Variants in POLD1 observed in about 807,000 individuals in gnomAD.
The protein encoded by POLD1 is DNA polymerase delta catalytic subunit.
A neutral mutation model predicts 129.7 loss-of-function variants in POLD1; 79 were observed. That is an observed-to-expected ratio of 0.61 (90% confidence interval 0.51 to 0.73). POLD1 has a LOEUF of 0.73. Ranked by LOEUF, POLD1 falls within the 30% of genes least tolerant of loss-of-function variation. The pLI is 0.00. For synonymous variants in POLD1, 714 were observed against 683.3 expected (o/e 1.04, Z -0.70); for missense variants, 1,338 against 1,595.8 (o/e 0.84, Z 2.75).
chr19:50,390,628 G>C (rs960654786), intron 1 of POLD1, among the ~76,000 whole-genome samples: 1 of 150,970 alleles, frequency 6.6e-6, no homozygotes, highest in Non-Finnish European at 1.5e-5. Flanking sequence ...TTGGAGAGGG[G>C]GATTTGGCAG....
chr19:50,410,088 C>T (rs577862615), intron 17 of POLD1, among the ~76,000 whole-genome samples: 1 of 152,308 alleles, frequency 6.6e-6, no homozygotes, highest in Non-Finnish European at 1.5e-5. Context: ...GCGACGCTCA[C>T]ACAGAGGCCA....
rs1261055417 is a variant in POLD1 at position 50,406,662 on chromosome 19, T to C, written c.1494+145T>C. 1 of 672,926 alleles carries C rather than the reference T, an allele frequency of 1.5e-6. No homozygotes were observed. The highest frequency in any genetic ancestry group is 2.7e-5 in the East Asian group (1 of 36,780). The allele number at this position is 672,926 out of a possible 1,614,324, so 41.7% of individuals were successfully genotyped here. ...ACCTGTGACCTTACCTGACGCCCACTTTTTCCTGACCTCTGACCCCAGATT... is the reference window on the plus strand; with the variant it reads ...ACCTGTGACCTTACCTGACGCCCACCTTTTCCTGACCTCTGACCCCAGATT... On this transcript the variant is annotated intron_variant, in intron 12 of 26. Coordinates refer to ENST00000440232, the MANE Select transcript of POLD1 (RefSeq NM_002691.4). The surrounding 1 kb of genome is among the most constrained non-coding windows in gnomAD (Gnocchi z 5.5).
In POLD1 at chr19:50,403,039, C is replaced by T. The variant is rs2038719808; in HGVS notation, c.971-14C>T. On this transcript the variant is annotated splice_polypyrimidine_tract_variant and intron_variant, in intron 8 of 26. Transcript: ENST00000440232. ...GGGGCAGGAGTCAGGCCCCTGCATCCTCCTGCCTCGCAGGCATCTTCCCTG... is the reference window on the plus strand; with the variant it reads ...GGGGCAGGAGTCAGGCCCCTGCATCTTCCTGCCTCGCAGGCATCTTCCCTG... The T allele has an allele frequency of 3.2e-6, 5 of 1,553,788 alleles. No homozygotes were observed. Among genetic ancestry groups the T allele is most frequent in the East Asian group, 4.9e-5 (2 of 41,102 alleles).
intron 1 of POLD1, among the ~76,000 whole-genome samples, chr19:50,390,651 A>G (rs953824535): frequency 2.0e-5 from 3 of 151,598 alleles, no homozygotes; most frequent in Non-Finnish European, 2.9e-5. Flanking sequence ...TCATAGGACA[A>G]TAGTGGAGGG....
rs373146398 is a variant in POLD1 at position 50,406,551 on chromosome 19, C to T, written c.1494+34C>T. The T allele has an allele frequency of 2.1e-4, 305 of 1,460,064 alleles. No individual in the cohort carries two copies. Among genetic ancestry groups the T allele is most frequent in the East Asian group, 4.4e-4 (18 of 40,758 alleles). 90.4% of individuals were successfully genotyped at this position (1,460,064 alleles called of 1,614,324 possible). A position where few individuals can be genotyped will look rare whatever the true frequency, so the allele number is the denominator to read the frequency against. On this transcript the variant is annotated intron_variant, in intron 12 of 26. Transcript: ENST00000440232. This position sits in a 1 kb window ranked among gnomAD's most constrained non-coding sequence, Gnocchi z 5.5. The stretch of plus-strand genomic sequence containing the variant: ...TGCCTCCCTGACCTCTCACCCCAAC[C>T]TCTGACCTCCACCTCACCCTTCCCC...
At chr19:50,413,917 C>T (rs2122453242) in intron 19 of POLD1, 38 bp downstream of exon 19, 3 of 1,549,746 alleles carry the variant, frequency 1.9e-6, no homozygotes, top group South Asian at 1.2e-5. Flanking sequence ...TTTAGGTGCC[C>T]TCATCAGGGT....
chr19:50,388,075 G>A (rs903871287), intron 1 of POLD1, among the ~76,000 whole-genome samples: 1 of 152,196 alleles, frequency 6.6e-6, no homozygotes, highest in Non-Finnish European at 1.5e-5. Context: ...GACACAAGAG[G>A]CTGCATATTC....
chr19:50,409,028 C>CT lies in POLD1; in HGVS notation c.1893-93dup. 7.6e-7 allele frequency: 1 copy of CT among 1,316,000 alleles called. No homozygotes were observed. Among genetic ancestry groups the CT allele is most frequent in the Non-Finnish European group, 1.1e-6 (1 of 922,092 alleles). 81.5% of individuals were successfully genotyped at this position (1,316,000 alleles called of 1,614,324 possible). A position where few individuals can be genotyped will look rare whatever the true frequency, so the allele number is the denominator to read the frequency against. On this transcript the variant is annotated intron_variant, in intron 15 of 26. Coordinates refer to ENST00000440232, the MANE Select transcript of POLD1 (RefSeq NM_002691.4). The surrounding 1 kb of genome is among the most constrained non-coding windows in gnomAD (Gnocchi z 5.8). ...GGGAGTGGAGGGGTGCTTGAGGGGCCTGCGTGTGCTCATGGCCAAGGCCAG... is the reference window on the plus strand; with the variant it reads ...GGGAGTGGAGGGGTGCTTGAGGGGCCTTGCGTGTGCTCATGGCCAAGGCCAG...
rs771540531 is a variant in POLD1 at position 50,398,869 on chromosome 19, G to A, written c.18G>A (p.Arg6=). 2.5e-6 allele frequency: 4 copies of A among 1,608,314 alleles called. No individual in the cohort carries two copies. Among genetic ancestry groups the A allele is most frequent in the Non-Finnish European group, 2.5e-6 (3 of 1,178,804 alleles). Residue 6 remains arginine (R), a synonymous_variant, in exon 2 of 27, where the codon CGG becomes CGA. Transcript: ENST00000440232. ...CCAGCAGGATGGATGGCAAGCGGCG[G>A]CCAGGCCCAGGGCCCGGGGTGCCCC... MDGKR[R]PGPGPGVPPK...
At position 50,403,167 on chromosome 19, in the gene POLD1, C is replaced by T. The variant is rs1601204609; in HGVS notation, c.1085C>T (p.Pro362Leu). Residue 362 changes from proline (P) to leucine (L), a missense_variant, in exon 9 of 27, where the codon CCC becomes CTC. By Grantham distance (98) the Pro-to-Leu change is moderately conservative (BLOSUM62 -3). This residue lies in a region of POLD1 where 720 missense variants were observed against 1,002.6 expected (regional missense o/e 0.72). Transcript: ENST00000440232. ...GCGCTCACCCTGCGGCCCTGTGCCC[C>T]CATCCTGGGTGCCAAGGTGCAGAGC... ...RLALTLRPCA[P>L]ILGAKVQSYE... 5.8e-6 allele frequency: 9 copies of T among 1,562,132 alleles called. No homozygotes were observed. The highest frequency in any genetic ancestry group is 6.9e-6 in the Non-Finnish European group (8 of 1,152,888).
Position 50,403,236 on chromosome 19 carries a change from GC to G in POLD1, c.1137+21del. 6.5e-7 allele frequency: 1 copy of G among 1,531,692 alleles called. No individual in the cohort carries two copies. The highest frequency in any genetic ancestry group is 8.8e-7 in the Non-Finnish European group (1 of 1,135,000). 94.9% of individuals were successfully genotyped at this position (1,531,692 alleles called of 1,614,324 possible). On this transcript the variant is annotated intron_variant, in intron 9 of 26. Transcript: ENST00000440232. Reference sequence around the variant, plus strand: ...CTGCTGCAGGTAGCTCTCGCTCCACGCCCCACACCATTTCCCGGGGTCCCCG... The same window carrying G: ...CTGCTGCAGGTAGCTCTCGCTCCACGCCCACACCATTTCCCGGGGTCCCCG...
At chr19:50,403,342 C>A in intron 9 of POLD1, 123 bp downstream of exon 9, 1 of 1,152,376 alleles carries the variant, frequency 8.7e-7, no homozygotes, top group South Asian at 1.4e-5. Flanking sequence ...GTCTGTGGGT[C>A]TGGGTGGGCC....
chr19:50,403,949 G>T (rs2038767975), intron 10 of POLD1, among the ~76,000 whole-genome samples: 1 of 152,228 alleles, frequency 6.6e-6, no homozygotes, highest in Admixed American at 6.5e-5. Context: ...GGAGGAGGAG[G>T]GGGGAGTGTG....
chr19:50,402,395 TC>T (rs781740965), intron 6 of POLD1, 22 bp downstream of exon 6: 5 of 1,613,522 alleles, frequency 3.1e-6, no homozygotes, highest in Non-Finnish European at 4.2e-6. Context: ...GCCTCACTTC[TC>T]CGGCCTCTAT....
intron 1 of POLD1, chr19:50,394,112 G>C (rs533598695): frequency 6.6e-6 from 1 of 152,388 alleles, no homozygotes; most frequent in South Asian, 2.1e-4. Context: ...GGTTGTTGGG[G>C]AGCCCAGTGT....
chr19:50,412,001 A>C (rs1265939717), intron 17 of POLD1, among the ~76,000 whole-genome samples: 1 of 152,170 alleles, frequency 6.6e-6, no homozygotes, highest in Non-Finnish European at 1.5e-5. Flanking sequence ...AAAACTAGCC[A>C]GGCATTGTGG....
At chr19:50,404,706 G>A (rs1009669872) in intron 10 of POLD1, among the ~76,000 whole-genome samples, 1 of 149,620 alleles carries the variant, frequency 6.7e-6, no homozygotes, top group African/African-American at 2.5e-5. Context: ...AGCCTCCCAA[G>A]TAGCTGGGAT....
At chr19:50,403,736 G>T (rs146918257) in intron 10 of POLD1, 139 bp downstream of exon 10, 2 of 671,106 alleles carry the variant, frequency 3.0e-6, no homozygotes, top group East Asian at 5.2e-5. Flanking sequence ...TGCAGGGGCA[G>T]CCTAGGCCTG....
chr19:50,407,277 C>T lies in POLD1; in HGVS notation c.1687-50C>T, dbSNP rs3219400. ...GCACTTTTTCTCCCCACTCCCAATC[C>T]GCACGGCCCCACCTATACCCACTCC... is the stretch of plus-strand genomic sequence containing the variant. On this transcript the variant is annotated intron_variant, in intron 13 of 26. Coordinates refer to ENST00000440232, the MANE Select transcript of POLD1 (RefSeq NM_002691.4). 4.0e-3 allele frequency: 6,314 copies of T among 1,562,352 alleles called. 204 individuals are homozygous for T. The African/African-American group carries it at 0.071, about 18-fold the overall frequency.
Sources: gnomAD v4.1 joint callset for allele counts (sites outside exome capture counted in the v4.1 genomes callset) on GRCh38, gnomAD v4.1.1 for gene constraint, gnomAD v4.1.1 regional missense constraint, Gnocchi (gnomAD v3.1) non-coding constraint, MANE v1.5 for transcripts, NCBI Gene and HGNC (gene_info 2026-07-23, HGNC 2026-07-21) for gene names.